Variants in PECR observed in about 807,000 individuals in gnomAD.
PECR encodes peroxisomal trans-2-enoyl-CoA reductase.
In PECR, 30 loss-of-function variants were observed where a neutral mutation model predicts 35.3. That is an observed-to-expected ratio of 0.85 (90% CI 0.64 to 1.15). The LOEUF (loss-of-function observed/expected upper bound fraction) is 1.15, where lower values mean the gene tolerates loss of function less well. Ranked by LOEUF, PECR falls within the 50% of genes most tolerant of loss-of-function variation. The pLI is 0.00. For synonymous variants in PECR, 148 were observed against 138.9 expected (o/e 1.07, Z -0.46); for missense variants, 392 against 370.8 (o/e 1.06, Z -0.47).
intron 5 of PECR, chr2:216,051,021 C>T (rs1295939522): frequency 1.2e-5 from 2 of 168,892 alleles, no homozygotes; most frequent in African/African-American, 4.8e-5. Flanking sequence ...TGCGGTGGCT[C>T]ACATCTGTAA....
chr2:216,035,635 C>G (rs1694781882), downstream of PECR, among the ~76,000 whole-genome samples: 1 of 152,046 alleles, frequency 6.6e-6, no homozygotes, highest in Non-Finnish European at 1.5e-5. Context: ...TACAGACGCC[C>G]GCCACCAGGC....
In PECR at chr2:216,066,391, C is replaced by A. The variant is rs781463968; in HGVS notation, c.252G>T (p.Glu84Asp). 1 of 1,612,894 alleles carries A rather than the reference C, an allele frequency of 6.2e-7. No individual in the cohort carries two copies. The change falls in exon 2 of 8, where the codon GAG (glutamate) becomes GAT (aspartate). Residue 84 changes from glutamate to aspartate, a missense_variant. By Grantham distance (45) the Glu-to-Asp change is conservative. Coordinates refer to ENST00000265322, the MANE Select transcript of PECR (RefSeq NM_018441.6). ...ACAGATATATCTCCATTACCTCCTC[C>A]TCATTCCGGATGTTGCATTGTATGG... is the stretch of plus-strand genomic sequence containing the variant. ...VIPIQCNIRN[E>D]EEVNNLVKST...
chr2:216,053,004 C>CCATCA (rs769448752), intron 4 of PECR, among the ~76,000 whole-genome samples: 134 of 151,908 alleles, frequency 8.8e-4, no homozygotes, highest in Middle Eastern at 3.4e-3. Context: ...TAGGAGTGCG[C>CCATCA]CATCACGCCT....
chr2:216,045,437 G>A (rs1258461764), intron 6 of PECR, among the ~76,000 whole-genome samples: 5 of 152,220 alleles, frequency 3.3e-5, no homozygotes, highest in Non-Finnish European at 7.3e-5. Context: ...TGGATGCTCC[G>A]AGGGATGAAG....
At chr2:216,029,648 G>A (rs1390937495) in intron 7 of PECR, among the ~76,000 whole-genome samples, 1 of 152,208 alleles carries the variant, frequency 6.6e-6, no homozygotes, top group Non-Finnish European at 1.5e-5. Flanking sequence ...AGGATGCTAA[G>A]TCATGCTCAC....
intron 3 of PECR, among the ~76,000 whole-genome samples, chr2:216,061,970 A>ATGTG (rs5838567): frequency 0.12 from 17,511 of 150,480 alleles, 1,468 homozygotes; most frequent in South Asian, 0.23. Flanking sequence ...GTGTGTGAGT[A>ATGTG]TGTGTGTGTG....
chr2:216,066,355 G>A (rs1229255311), intron 2 of PECR, 30 bp downstream of exon 2: 3 of 1,590,608 alleles, frequency 1.9e-6, no homozygotes, highest in Non-Finnish European at 1.7e-6. Context: ...TACAATGAAT[G>A]AATAAATGAT....
At chr2:216,034,618 C>G (rs746340523), downstream of PECR, among the ~76,000 whole-genome samples, 3 of 152,070 alleles carry the variant, frequency 2.0e-5, no homozygotes, top group Non-Finnish European at 4.4e-5. Context: ...GATGGAAAAT[C>G]TTTCTAATGG....
chr2:216,061,311 C>CAAAA lies in PECR; in HGVS notation c.425-2339_425-2336dup, dbSNP rs56791924. Among the ~76,000 whole-genome samples, 56 of 44,958 alleles carry CAAAA rather than the reference C, an allele frequency of 1.2e-3. 3 individuals carry two copies. The East Asian group carries it at 0.014, about 11-fold the overall frequency. The allele number at this position is 44,958 out of a possible 152,430, so 29.5% of individuals were successfully genotyped here. The stretch of plus-strand genomic sequence containing the variant: ...CAGGTGACAGAGTGAAACCCTGTCT[C>CAAAA]AAAAAAAAAAAAAAAAAAAAAAAAA... On this transcript the variant is annotated intron_variant, in intron 3 of 7. Transcript: ENST00000265322.
intron 7 of PECR, among the ~76,000 whole-genome samples, chr2:216,029,455 G>A (rs959173514): frequency 4.3e-5 from 5 of 116,780 alleles, no homozygotes; most frequent in Non-Finnish European, 9.2e-5. Flanking sequence ...TCCGCCTGGC[G>A]AGAGAGTGAG....
chr2:216,044,323 C>G (rs1228186925), intron 6 of PECR, among the ~76,000 whole-genome samples: 1 of 152,214 alleles, frequency 6.6e-6, no homozygotes, highest in Admixed American at 6.5e-5. Flanking sequence ...TGCTTCAGCT[C>G]TGCTCTTTCC....
rs755416915 is a variant in PECR, at chr2:216,049,255, T to C, written c.714+8A>G. 46 of 1,320,468 alleles carry C rather than the reference T, an allele frequency of 3.5e-5. No individual in the cohort carries two copies. In the South Asian group the frequency reaches 5.2e-4, roughly 15 times the overall value. The allele number at this position is 1,320,468 out of a possible 1,614,324, so 81.8% of individuals were successfully genotyped here. A position where few individuals can be genotyped will look rare whatever the true frequency, so the allele number is the denominator to read the frequency against. On this transcript the variant is annotated splice_region_variant and intron_variant, in intron 6 of 7. Transcript: ENST00000265322. ...GCAATTCTAATCAATGCTGGAAATATACCTTACCTCCTCAGGAACACCAAT... is the reference window on the plus strand; with the variant it reads ...GCAATTCTAATCAATGCTGGAAATACACCTTACCTCCTCAGGAACACCAAT...
chr2:216,044,204 G>C (rs1037539217), intron 6 of PECR, among the ~76,000 whole-genome samples, 189 bp from the exon 7 acceptor site: 1 of 152,116 alleles, frequency 6.6e-6, no homozygotes, highest in Non-Finnish European at 1.5e-5. Context: ...TTCTACCTGA[G>C]CATCACCGAA....
At chr2:216,076,852 CAT>C (rs943664184) in intron 1 of PECR, among the ~76,000 whole-genome samples, 1 of 151,406 alleles carries the variant, frequency 6.6e-6, no homozygotes, top group African/African-American at 2.4e-5. Context: ...AAATGCATAC[CAT>C]ATTATTGGGA....
intron 3 of PECR, among the ~76,000 whole-genome samples, chr2:216,062,052 ATT>A (rs774207430): frequency 8.0e-5 from 11 of 137,152 alleles, no homozygotes; most frequent in Non-Finnish European, 1.1e-4. Context: ...TGCGTGGTGA[ATT>A]TTTTTTTTTT....
In PECR at chr2:216,038,772, G is replaced by T. The variant is rs372690881; in HGVS notation, c.*503C>A. 18 of 168,404 alleles carry T rather than the reference G, an allele frequency of 1.1e-4. No individual in the cohort carries two copies. The South Asian group carries it at 1.1e-3, about 11-fold the overall frequency. The allele number at this position is 168,404 out of a possible 1,614,324, so 10.4% of individuals were successfully genotyped here. A position where few individuals can be genotyped will look rare whatever the true frequency, so the allele number is the denominator to read the frequency against. On this transcript the variant is annotated 3_prime_UTR_variant, in exon 8 of 8. Transcript: ENST00000265322. Reference sequence around the variant, plus strand: ...ACTACAGGTGTGTGCCACCACACCCGACTAATTTGTGTTTTTGTTTTTGTT... The same window carrying T: ...ACTACAGGTGTGTGCCACCACACCCTACTAATTTGTGTTTTTGTTTTTGTT...
rs1559222748 is a variant in PECR, at chr2:216,081,712, G to A, written c.30C>T (p.Tyr10=). 1 of 1,613,540 alleles carries A rather than the reference G, an allele frequency of 6.2e-7. No individual in the cohort carries two copies. The highest frequency in any genetic ancestry group is 1.7e-5 in the Admixed American group (1 of 60,012). Residue 10 remains tyrosine (Y), a synonymous_variant, in exon 1 of 8, where the codon TAC becomes TAT. Transcript: ENST00000265322. ...GGCCCTGCAGCAAACCAGGCGCCAG[G>A]TAGCTCCTGCCCTTAGCCCAGGAGG... MASWAKGRS[Y]LAPGLLQGQV... is the part of the protein sequence containing the mutation.
At position 216,039,164 on chromosome 2, in the gene PECR, T is replaced by TA; in HGVS notation, c.*110dup. 1.4e-6 allele frequency: 1 copy of TA among 725,652 alleles called. No homozygotes were observed. The highest frequency in any genetic ancestry group is 1.5e-5 in the South Asian group (1 of 67,850). The allele number at this position is 725,652 out of a possible 1,614,324, so 45.0% of individuals were successfully genotyped here. ...TTCCATAGATATAATTAATAACACT[T>TA]AAAAATAAGAAAAATGTTTTCCATA... On this transcript the variant is annotated 3_prime_UTR_variant, in exon 8 of 8. Coordinates refer to ENST00000265322, the MANE Select transcript of PECR (RefSeq NM_018441.6).
chr2:216,051,604 A>G, intron 4 of PECR, 59 bp from the exon 5 acceptor site: 2 of 1,090,302 alleles, frequency 1.8e-6, no homozygotes, highest in East Asian at 2.4e-5. Flanking sequence ...TCTCTTGTTC[A>G]TCAAGCTCAC....
Sources: allele counts gnomAD v4.1 joint callset (sites outside exome capture counted in the v4.1 genomes callset), GRCh38; gene constraint gnomAD v4.1.1; transcripts MANE v1.5; gene names NCBI Gene and HGNC (gene_info 2026-07-23, HGNC 2026-07-21).